GPI: variants seen among roughly 807,000 people sequenced by gnomAD.
GPI encodes the protein D-hexose-6-phosphate anomerase.
In GPI, 56 loss-of-function variants were observed where a neutral mutation model predicts 75.8. The observed-to-expected ratio is 0.74, with a 90% CI of 0.60 to 0.92. The LOEUF (loss-of-function observed/expected upper bound fraction) is 0.92, where lower values mean the gene tolerates loss of function less well. Among genes scored for constraint, GPI ranks in the 40% least tolerant of loss-of-function variants. GPI has a pLI of 0.00. For missense variants in GPI, 638 were observed against 741.0 expected (o/e 0.86, Z 1.61); for synonymous variants, 288 against 285.4 (o/e 1.01, Z -0.09).
chr19:34,367,852 C>T (rs2145322971), intron 3 of GPI, among the ~76,000 whole-genome samples: 1 of 152,372 alleles, frequency 6.6e-6, no homozygotes, highest in Middle Eastern at 3.4e-3. Context: ...TGCCAGCAAA[C>T]ACCATGGACA....
intron 2 of GPI, 92 bp downstream of exon 2, chr19:34,366,527 A>G: frequency 1.1e-6 from 1 of 883,128 alleles, no homozygotes; most frequent in South Asian, 1.3e-5. Flanking sequence ...GAGTATCTTG[A>G]GTTCTTCCTC....
intron 9 of GPI, chr19:34,392,313 G>A (rs1213190713): frequency 2.1e-3 from 1 of 474 alleles, no homozygotes. Context: ...TCTGGTACAG[G>A]TGTGAGGATC....
At chr19:34,381,637 G>C in intron 9 of GPI, 118 bp downstream of exon 9, 1 of 821,064 alleles carries the variant, frequency 1.2e-6, no homozygotes, top group East Asian at 2.4e-5. Flanking sequence ...ACCTAGCTTG[G>C]GGAAAGGTAG....
At chr19:34,395,090 C>T (rs1181108909) in intron 12 of GPI, among the ~76,000 whole-genome samples, 2 of 152,202 alleles carry the variant, frequency 1.3e-5, no homozygotes, top group Admixed American at 1.3e-4. Flanking sequence ...GTACAGAAGG[C>T]TTCACCAACA....
intron 4 of GPI, among the ~76,000 whole-genome samples, chr19:34,372,935 A>G (rs2074477538): frequency 6.6e-6 from 1 of 151,982 alleles, no homozygotes; most frequent in South Asian, 2.1e-4. Context: ...CACCACACCC[A>G]GCTAATTTTT....
chr19:34,368,932 G>C, intron 4 of GPI: 1 of 604,584 alleles, frequency 1.7e-6, no homozygotes, highest in Non-Finnish European at 3.0e-6. Flanking sequence ...AGTGGGGCCA[G>C]TTTCTTTCCT....
intron 15 of GPI, 46 bp downstream of exon 15, chr19:34,399,381 G>A (rs1176076802): frequency 1.2e-6 from 2 of 1,613,040 alleles, no homozygotes; most frequent in Non-Finnish European, 1.7e-6. Flanking sequence ...TGGAGTTGGA[G>A]GTGTGAAGCT....
intron 8 of GPI, 174 bp downstream of exon 8, chr19:34,379,736 A>C (rs1235384149): frequency 6.9e-6 from 5 of 724,756 alleles, no homozygotes; most frequent in Admixed American, 5.8e-5. Context: ...GCATTTACCC[A>C]TTCAACCTCT....
upstream of GPI, among the ~76,000 whole-genome samples, chr19:34,364,039 C>CT (rs912203194): frequency 2.8e-4 from 43 of 151,840 alleles, no homozygotes; most frequent in South Asian, 2.1e-4. Flanking sequence ...CTTTTCTTTT[C>CT]TTTTTTTTAA....
At position 34,400,529 on chromosome 19, in the gene GPI, G is replaced by T; in HGVS notation, c.*493G>T. 1 of 467,802 alleles carries T rather than the reference G, an allele frequency of 2.1e-6. No homozygotes were observed. Among genetic ancestry groups the T allele is most frequent in the Non-Finnish European group, 3.7e-6 (1 of 267,436 alleles). The allele number at this position is 467,802 out of a possible 1,614,324, so 29.0% of individuals were successfully genotyped here. A position where few individuals can be genotyped will look rare whatever the true frequency, so the allele number is the denominator to read the frequency against. The stretch of plus-strand genomic sequence containing the variant: ...ATCAGTCAGGACGGCAACTTGGCCT[G>T]TGTCACCAAATCCCAAGACTGTTTT... On this transcript the variant is annotated 3_prime_UTR_variant, in exon 18 of 18. Transcript: ENST00000356487.
In GPI at chr19:34,368,548, G is replaced by C. The variant is rs1426758711; in HGVS notation, c.283-35G>C. 10 of 1,613,352 alleles carry C rather than the reference G, an allele frequency of 6.2e-6. No homozygotes were observed. In the South Asian group the frequency reaches 1.1e-4, roughly 18 times the overall value. On this transcript the variant is annotated intron_variant, in intron 3 of 17. Coordinates refer to ENST00000356487, the MANE Select transcript of GPI (RefSeq NM_000175.5). ...GGGAGCATGGCTGCCTGGGGTTGGG[G>C]GGGGCAGTCTTTATATCCTGACCGT...
upstream of GPI, among the ~76,000 whole-genome samples, chr19:34,362,113 CAAAAAAAAAA>C (rs71165651): frequency 2.5e-5 from 2 of 79,662 alleles, no homozygotes; most frequent in African/African-American, 9.5e-5. Context: ...GACTCCATCT[CAAAAAAAAAA>C]AAAAAAAAAA....
intron 3 of GPI, among the ~76,000 whole-genome samples, 157 bp from the exon 4 acceptor site, chr19:34,368,426 A>G (rs911804552): frequency 1.3e-5 from 2 of 152,148 alleles, no homozygotes; most frequent in African/African-American, 4.8e-5. Context: ...CTCTAAGCAT[A>G]CAGTGGGTTC....
upstream of GPI, among the ~76,000 whole-genome samples, chr19:34,362,501 A>G (rs1351407421): frequency 3.9e-5 from 6 of 152,082 alleles, no homozygotes; most frequent in African/African-American, 1.4e-4. Flanking sequence ...GCAATACCCA[A>G]AGCTGTTTCT....
upstream of GPI, chr19:34,364,670 G>C: frequency 1.2e-5 from 4 of 334,862 alleles, no homozygotes; most frequent in Non-Finnish European, 1.6e-5. Context: ...GAGCCACCGC[G>C]CCCGGCCTAG....
chr19:34,365,094 T>G, upstream of GPI: 1 of 1,352,208 alleles, frequency 7.4e-7, no homozygotes, highest in Non-Finnish European at 9.6e-7. Flanking sequence ...GGCCTGGGTA[T>G]CGGGGCGCGG....
At chr19:34,376,675 G>A (rs2074541588) in intron 4 of GPI, among the ~76,000 whole-genome samples, 1 of 152,022 alleles carries the variant, frequency 6.6e-6, no homozygotes, top group Non-Finnish European at 1.5e-5. Context: ...GCTTGCTGCA[G>A]CCTCAACTTC....
chr19:34,388,292 C>CA (rs2074768374), intron 9 of GPI, among the ~76,000 whole-genome samples: 2 of 152,286 alleles, frequency 1.3e-5, no homozygotes, highest in South Asian at 4.1e-4. Flanking sequence ...GTCTGGTCAA[C>CA]ACGGTGAAAC....
At chr19:34,398,173 C>T (rs1237143527) in intron 14 of GPI, 2 of 152,248 alleles carry the variant, frequency 1.3e-5, no homozygotes, top group African/African-American at 4.8e-5. Context: ...ACCTCAGCCT[C>T]CTGAGTAGCT....
Sources: gnomAD v4.1 joint callset for allele counts (sites outside exome capture counted in the v4.1 genomes callset) on GRCh38, gnomAD v4.1.1 for gene constraint, MANE v1.5 for transcripts, NCBI Gene and HGNC (gene_info 2026-07-23, HGNC 2026-07-21) for gene names.